The following EYS variants were observed in gnomAD, a reference collection of about 807,000 sequenced individuals.
EYS encodes the protein EGF-like photoreceptor maintenance factor.
EYS carries 250 observed loss-of-function variants against 282.1 expected under a neutral mutation model. The observed-to-expected ratio is 0.89, with a 90% CI of 0.80 to 0.98. EYS has a LOEUF of 0.98. EYS is among the 50% of genes least tolerant of loss of function. EYS has a pLI of 0.00. For missense variants in EYS, 4,016 were observed against 3,709.0 expected (o/e 1.08, Z -2.15); for synonymous variants, 1,355 against 1,282.9 (o/e 1.06, Z -1.20).
chr6:65,651,063 C>T (rs906866791), intron 1 of EYS, among the ~76,000 whole-genome samples: 1 of 151,794 alleles, frequency 6.6e-6, no homozygotes, highest in Non-Finnish European at 1.5e-5. Flanking sequence ...AATATAAAAA[C>T]CTTTATTAAT....
intron 22 of EYS, among the ~76,000 whole-genome samples, chr6:64,775,410 C>T (rs946130859): frequency 3.9e-5 from 6 of 151,964 alleles, no homozygotes; most frequent in African/African-American, 1.4e-4. Context: ...CAAACCCCAA[C>T]TTTGCCACTT....
intron 22 of EYS, among the ~76,000 whole-genome samples, chr6:64,655,689 C>CTA (rs1252418049): frequency 1.2e-4 from 18 of 151,910 alleles, no homozygotes; most frequent in East Asian, 7.7e-4. Flanking sequence ...GATAATTTTT[C>CTA]TATATATATA....
At position 65,575,326 on chromosome 6, in the gene EYS, C is replaced by CTAAATAAATAAATAAATAAA. The variant is rs71002320; in HGVS notation, c.-333+64432_-333+64451dup. ...TGGGTGACAGAGTGGGACTTCCTCT[C>CTAAATAAATAAATAAATAAA]TAAATAAATAAATAAATAAATAAAT... On this transcript the variant is annotated intron_variant, in intron 2 of 42. Transcript: ENST00000503581. Among the ~76,000 whole-genome samples the CTAAATAAATAAATAAATAAA allele has an allele frequency of 4.3e-3, 612 of 142,060 alleles. 4 individuals carry two copies. The highest frequency in any genetic ancestry group is 6.6e-3 in the Non-Finnish European group (436 of 65,760). 93.2% of individuals were successfully genotyped at this position (142,060 alleles called of 152,430 possible).
At chr6:65,271,059 A>G (rs1767885297) in intron 12 of EYS, among the ~76,000 whole-genome samples, 1 of 147,170 alleles carries the variant, frequency 6.8e-6, no homozygotes, top group African/African-American at 2.5e-5. Flanking sequence ...GGTACTTATC[A>G]TAACAACATC....
chr6:64,662,467 G>A (rs996083787), intron 22 of EYS, among the ~76,000 whole-genome samples: 9 of 152,142 alleles, frequency 5.9e-5, no homozygotes, highest in Admixed American at 1.3e-4. Flanking sequence ...TTTCTGTTCA[G>A]AAGAGAAAAA....
chr6:64,875,136 A>G (rs1281376545), intron 19 of EYS, among the ~76,000 whole-genome samples: 1 of 151,970 alleles, frequency 6.6e-6, no homozygotes, highest in Non-Finnish European at 1.5e-5. Flanking sequence ...TCCCCATTCA[A>G]TTGACCCCAA....
chr6:64,279,898 C>T (rs1768244540), intron 30 of EYS, among the ~76,000 whole-genome samples: 1 of 152,138 alleles, frequency 6.6e-6, no homozygotes, highest in Non-Finnish European at 1.5e-5. Context: ...ACAACTGTAT[C>T]AAATTAAATA....
intron 15 of EYS, among the ~76,000 whole-genome samples, chr6:64,924,697 G>T (rs1026279144): frequency 1.3e-5 from 2 of 152,058 alleles, no homozygotes; most frequent in Non-Finnish European, 2.9e-5. Context: ...CAAATTCAAA[G>T]TTCCACAAAT....
At chr6:65,229,908 G>T (rs1305681825) in intron 12 of EYS, among the ~76,000 whole-genome samples, 3 of 151,862 alleles carry the variant, frequency 2.0e-5, no homozygotes, top group Non-Finnish European at 4.4e-5. Context: ...AGAATAAAGT[G>T]CACATGGGTC....
chr6:63,860,520 A>G (rs775693089), intron 36 of EYS, among the ~76,000 whole-genome samples: 4 of 152,212 alleles, frequency 2.6e-5, no homozygotes, highest in Admixed American at 6.5e-5. Flanking sequence ...TGGGCAGCCA[A>G]TTGTGAGACT....
At chr6:64,950,798 C>T (rs7775485) in intron 14 of EYS, among the ~76,000 whole-genome samples, 17,625 of 51,146 alleles carry the variant, frequency 0.34, 2,983 homozygotes, top group African/African-American at 0.4. Context: ...TATACATATA[C>T]ATATATATAT....
intron 2 of EYS, among the ~76,000 whole-genome samples, chr6:65,539,717 T>G (rs6909236): frequency 6.6e-6 from 1 of 152,038 alleles, no homozygotes; most frequent in Non-Finnish European, 1.5e-5. Flanking sequence ...TAAATAAATA[T>G]TACAGCAGTT....
intron 31 of EYS, among the ~76,000 whole-genome samples, chr6:64,151,315 A>G (rs1277335610): frequency 2.1e-3 from 102 of 49,684 alleles, no homozygotes; most frequent in East Asian, 0.015. Context: ...GTGTGTGTAT[A>G]TTTATATATA....
intron 36 of EYS, among the ~76,000 whole-genome samples, chr6:63,848,992 G>A (rs566013225): frequency 9.8e-5 from 15 of 152,296 alleles, no homozygotes; most frequent in South Asian, 4.1e-4. Context: ...CTTGAGCTTC[G>A]TCGGAGGAGG....
At chr6:64,404,146 T>TA (rs758093487) in intron 28 of EYS, among the ~76,000 whole-genome samples, 8 of 152,168 alleles carry the variant, frequency 5.3e-5, no homozygotes, top group Non-Finnish European at 8.8e-5. Context: ...TAGTTGGGCA[T>TA]TTTTAGCTCA....
chr6:64,545,736 C>G (rs866158157), intron 26 of EYS, among the ~76,000 whole-genome samples: 1 of 152,134 alleles, frequency 6.6e-6, no homozygotes, highest in Non-Finnish European at 1.5e-5. Context: ...AACAGACACA[C>G]AAAGAGCCAA....
At chr6:64,693,177 A>C (rs1770458519) in intron 22 of EYS, among the ~76,000 whole-genome samples, 1 of 151,598 alleles carries the variant, frequency 6.6e-6, no homozygotes, top group Admixed American at 6.6e-5. Flanking sequence ...AAAGTTAGGT[A>C]AATTTAAAAT....
chr6:65,032,390 G>T (rs1040792645), intron 13 of EYS, among the ~76,000 whole-genome samples: 2 of 152,114 alleles, frequency 1.3e-5, no homozygotes, highest in Non-Finnish European at 2.9e-5. Context: ...TGCTGGAGGG[G>T]GCCTGGTAGG....
chr6:65,317,038 T>A (rs1352782170), intron 11 of EYS, among the ~76,000 whole-genome samples: 3 of 152,190 alleles, frequency 2.0e-5, no homozygotes, highest in African/African-American at 4.8e-5. Context: ...AAATATTGTA[T>A]CTATATTTAT....
Sources: gnomAD v4.1 joint callset for allele counts (sites outside exome capture counted in the v4.1 genomes callset) on GRCh38, gnomAD v4.1.1 for gene constraint, MANE v1.5 for transcripts, NCBI Gene and HGNC (gene_info 2026-07-23, HGNC 2026-07-21) for gene names.